CTNNAL1: variants seen among roughly 807,000 people sequenced by gnomAD.
CTNNAL1 encodes catenin alpha like 1.
A neutral mutation model predicts 93.6 loss-of-function variants in CTNNAL1; 69 were observed. The ratio of observed to expected loss-of-function variants is 0.74; its 90% CI spans 0.61 to 0.90. CTNNAL1 has a LOEUF of 0.90. CTNNAL1 is among the 40% of genes least tolerant of loss of function. The probability of loss-of-function intolerance (pLI) is 0.00; values close to 1 mark genes in which losing one functional copy is unlikely to be tolerated. For synonymous variants in CTNNAL1, 286 were observed against 305.4 expected (o/e 0.94, Z 0.66); for missense variants, 836 against 862.0 (o/e 0.97, Z 0.38).
rs1830286981 is a variant in CTNNAL1, at chr9:108,942,958, C to T, written c.2139+3G>A. On this transcript the variant is annotated splice_donor_region_variant and intron_variant, in intron 18 of 18. Coordinates refer to ENST00000325551, the MANE Select transcript of CTNNAL1 (RefSeq NM_003798.4). Reference sequence around the variant, plus strand: ...TGAGTCTAAAATAGAAAAACTACCTCACCTTCTTCAGCAGTTTATAACAAA... The same window carrying T: ...TGAGTCTAAAATAGAAAAACTACCTTACCTTCTTCAGCAGTTTATAACAAA... The T allele has an allele frequency of 2.5e-6, 4 of 1,611,554 alleles. No individual in the cohort carries two copies. Among genetic ancestry groups the T allele is most frequent in the Non-Finnish European group, 3.4e-6 (4 of 1,179,318 alleles).
At chr9:108,951,293 G>A (rs1396273719) in intron 14 of CTNNAL1, among the ~76,000 whole-genome samples, 1 of 152,008 alleles carries the variant, frequency 6.6e-6, no homozygotes, top group Non-Finnish European at 1.5e-5. Flanking sequence ...GGGATTACAG[G>A]CGTGAGCCAC....
chr9:108,958,063 C>CAAAA lies in CTNNAL1; in HGVS notation c.1592-2240_1592-2237dup, dbSNP rs11291554. Among the ~76,000 whole-genome samples, 256 of 85,052 alleles carry CAAAA rather than the reference C, an allele frequency of 3.0e-3. 4 individuals carry two copies. Among genetic ancestry groups the CAAAA allele is most frequent in the Admixed American group, 5.6e-3 (41 of 7,354 alleles). 55.8% of individuals were successfully genotyped at this position (85,052 alleles called of 152,430 possible). A position where few individuals can be genotyped will look rare whatever the true frequency, so the allele number is the denominator to read the frequency against. On this transcript the variant is annotated intron_variant, in intron 11 of 18. Transcript: ENST00000325551. ...CCTGGGTGATAGAGCAAGACTGTCT[C>CAAAA]AAAAAAAAAAAAAAAAAAAAACAAA... is the stretch of plus-strand genomic sequence containing the variant.
chr9:108,985,745 C>A (rs1427024397), intron 4 of CTNNAL1, among the ~76,000 whole-genome samples: 1 of 152,148 alleles, frequency 6.6e-6, no homozygotes, highest in Non-Finnish European at 1.5e-5. Context: ...ACATTTTGGA[C>A]AGGACTCCTT....
intron 1 of CTNNAL1, among the ~76,000 whole-genome samples, chr9:109,003,965 T>C (rs1826934326): frequency 1.3e-5 from 2 of 152,226 alleles, no homozygotes; most frequent in Admixed American, 6.5e-5. Context: ...TCCCCTCTCC[T>C]TGAGTACAGG....
At position 108,965,582 on chromosome 9, in the gene CTNNAL1, T is replaced by A. The variant is rs1830931826; in HGVS notation, c.1441-54A>T. ...AATTTCAAAATCTTAGCCCTCAGAATCACTTTGAAGACCAAAGGTAAGTAA... is the reference window on the plus strand; with the variant it reads ...AATTTCAAAATCTTAGCCCTCAGAAACACTTTGAAGACCAAAGGTAAGTAA... On this transcript the variant is annotated intron_variant, in intron 10 of 18. Coordinates refer to ENST00000325551, the MANE Select transcript of CTNNAL1 (RefSeq NM_003798.4). 21 of 1,131,140 alleles carry A rather than the reference T, an allele frequency of 1.9e-5. No homozygotes were observed. In the South Asian group the frequency reaches 4.9e-4, roughly 27 times the overall value. The allele number at this position is 1,131,140 out of a possible 1,614,324, so 70.1% of individuals were successfully genotyped here. A position where few individuals can be genotyped will look rare whatever the true frequency, so the allele number is the denominator to read the frequency against.
At chr9:108,990,231 T>G (rs1394062792) in intron 4 of CTNNAL1, among the ~76,000 whole-genome samples, 2 of 152,160 alleles carry the variant, frequency 1.3e-5, no homozygotes, top group Non-Finnish European at 2.9e-5. Flanking sequence ...ACCTACCTCA[T>G]AGGGATGTTT....
chr9:108,964,805 A>T (rs889379985), intron 11 of CTNNAL1, among the ~76,000 whole-genome samples: 2 of 152,062 alleles, frequency 1.3e-5, no homozygotes, highest in Admixed American at 1.3e-4. Context: ...GAAAACTAGG[A>T]TGTTAATATT....
At chr9:108,964,588 C>T (rs1173822655) in intron 11 of CTNNAL1, among the ~76,000 whole-genome samples, 1 of 152,098 alleles carries the variant, frequency 6.6e-6, no homozygotes, top group Non-Finnish European at 1.5e-5. Flanking sequence ...AACTTACCCA[C>T]CACAGGCAAT....
At chr9:108,998,202 G>T (rs2132194025) in intron 2 of CTNNAL1, among the ~76,000 whole-genome samples, 1 of 152,298 alleles carries the variant, frequency 6.6e-6, no homozygotes, top group South Asian at 2.1e-4. Flanking sequence ...GTTGTCCCAT[G>T]GAAGGAGAGG....
intron 1 of CTNNAL1, among the ~76,000 whole-genome samples, chr9:109,005,377 C>T (rs1028124760): frequency 2.6e-5 from 4 of 152,054 alleles, no homozygotes; most frequent in African/African-American, 9.7e-5. Flanking sequence ...GTGTCCCATT[C>T]CCCCTCCCAC....
intron 8 of CTNNAL1, 35 bp from the exon 9 acceptor site, chr9:108,972,868 G>GGGGGGGGCCCCCCCGGGC: frequency 9.2e-7 from 1 of 1,092,792 alleles, no homozygotes; most frequent in Non-Finnish European, 1.2e-6. Context: ...GGGTGGGAGG[G>GGGGGGGGCCCCCCCGGGC]TGGAGAAGGA....
chr9:108,972,862 G>GTGGGGGGGGGGGGCCCCCCCCCCCCC, intron 8 of CTNNAL1, 29 bp from the exon 9 acceptor site: 1 of 320,480 alleles, frequency 3.1e-6, no homozygotes, highest in Non-Finnish European at 5.4e-6. Context: ...GTGGGGGGGT[G>GTGGGGGGGGGGGGCCCCCCCCCCCCC]GGAGGGTGGA....
At position 108,992,775 on chromosome 9, in the gene CTNNAL1, G is replaced by A. The variant is rs1445130190; in HGVS notation, c.376C>T (p.Leu126=). The A allele has an allele frequency of 6.2e-7, 1 of 1,613,754 alleles. No homozygotes were observed. Among genetic ancestry groups the A allele is most frequent in the Non-Finnish European group, 8.5e-7 (1 of 1,179,880 alleles). The stretch of plus-strand genomic sequence containing the variant: ...ATTGTGATCTGCCCATCAGATTCCA[G>A]ATGGTTCAAGTTGGTTATGTCTGTA... ...ALTDITNLNH[L]ESDGQITIFT... Residue 126 remains leucine (L), a synonymous_variant, in exon 3 of 19, where the codon CTG becomes TTG. Coordinates refer to ENST00000325551, the MANE Select transcript of CTNNAL1 (RefSeq NM_003798.4).
intron 3 of CTNNAL1, chr9:108,991,808 C>T (rs1010842053): frequency 6.9e-6 from 3 of 435,208 alleles, no homozygotes; most frequent in Non-Finnish European, 1.2e-5. Context: ...CAACTCCTTC[C>T]CTGGCCAACT....
Position 108,972,835 on chromosome 9 carries a change from T to C in CTNNAL1, c.1189-2A>G. ...CAGCTGTGTCGCTGTACTATGAAGC[T>C]GCAGATGTGTGTGTGGGTGGGGGGG... On this transcript the variant is annotated splice_acceptor_variant, in intron 8 of 18. Coordinates refer to ENST00000325551, the MANE Select transcript of CTNNAL1 (RefSeq NM_003798.4). LOFTEE classifies it high-confidence loss of function. 1.9e-6 allele frequency: 2 copies of C among 1,047,956 alleles called. No individual in the cohort carries two copies. The highest frequency in any genetic ancestry group is 3.0e-5 in the South Asian group (2 of 66,662). 64.9% of individuals were successfully genotyped at this position (1,047,956 alleles called of 1,614,324 possible).
At chr9:109,013,222 C>G (rs7856626) in intron 1 of CTNNAL1, 80 bp downstream of exon 1, 376,677 of 1,381,698 alleles carry the variant, frequency 0.27, 53,695 homozygotes, top group Admixed American at 0.3. Context: ...GGCTGCCTCC[C>G]GTCCGGTCGT....
At chr9:109,005,548 C>T (rs1826997296) in intron 1 of CTNNAL1, among the ~76,000 whole-genome samples, 1 of 152,108 alleles carries the variant, frequency 6.6e-6, no homozygotes, top group South Asian at 2.1e-4. Flanking sequence ...CTCATTTCCA[C>T]CCTGAGAGAA....
intron 6 of CTNNAL1, 149 bp from the exon 7 acceptor site, chr9:108,979,630 T>G (rs1030417294): frequency 8.3e-5 from 59 of 707,622 alleles, no homozygotes; most frequent in Non-Finnish European, 1.2e-4. Context: ...GATATCTATA[T>G]TCGCCACTAA....
intron 6 of CTNNAL1, among the ~76,000 whole-genome samples, chr9:108,980,878 G>A (rs1455641437): frequency 1.3e-5 from 2 of 151,944 alleles, no homozygotes; most frequent in Non-Finnish European, 2.9e-5. Flanking sequence ...AGTTTTGTGG[G>A]GTTTTTTTAA....
Sources: allele counts gnomAD v4.1 joint callset (sites outside exome capture counted in the v4.1 genomes callset), GRCh38; gene constraint gnomAD v4.1.1; transcripts MANE v1.5; gene names NCBI Gene and HGNC (gene_info 2026-07-23, HGNC 2026-07-21).